Variants in KIRREL3 observed in about 807,000 individuals in gnomAD.
The protein encoded by KIRREL3 is kirre like nephrin family adhesion molecule 3.
In KIRREL3, 36 loss-of-function variants were observed where a neutral mutation model predicts 89.7. That is an observed-to-expected ratio of 0.40 (90% CI 0.31 to 0.53). KIRREL3 has a LOEUF of 0.53. KIRREL3 is among the 20% of genes least tolerant of loss of function. The pLI is 0.49. For synonymous variants in KIRREL3, 445 were observed against 441.4 expected (o/e 1.01, Z -0.10); for missense variants, 864 against 1,056.6 (o/e 0.82, Z 2.53).
Position 126,610,677 on chromosome 11 carries a change from CAG to C in KIRREL3, c.56-47767_56-47766del, listed in dbSNP as rs1325158702. The C allele has an allele frequency of 6.6e-6, 1 of 152,258 alleles. No homozygotes were observed. Among genetic ancestry groups the C allele is most frequent in the African/African-American group, 2.4e-5 (1 of 41,456 alleles). The allele number at this position is 152,258 out of a possible 1,614,324, so 9.4% of individuals were successfully genotyped here. On this transcript the variant is annotated intron_variant, in intron 1 of 16. Transcript: ENST00000525144. The surrounding 1 kb of genome is among the most constrained non-coding windows in gnomAD (Gnocchi z 4.6). ...TCCCTGCAGGTGCCAGGACTACAGA[CAG>C]GGCAACGGAGAGCAGGGGCTTGCTG...
chr11:126,678,240 A>C (rs914936462), intron 1 of KIRREL3, among the ~76,000 whole-genome samples: 1 of 152,102 alleles, frequency 6.6e-6, no homozygotes, highest in Non-Finnish European at 1.5e-5. Flanking sequence ...TACAATTAAA[A>C]CTAGTAATAT....
chr11:127,002,794 G>T (rs966905449), upstream of KIRREL3: 1 of 152,196 alleles, frequency 6.6e-6, no homozygotes, highest in African/African-American at 2.4e-5. Flanking sequence ...CCAGGGCCCA[G>T]ATTTGCTTAA....
intron 4 of KIRREL3, among the ~76,000 whole-genome samples, chr11:126,509,935 C>T (rs1591652899): frequency 1.7e-5 from 2 of 120,928 alleles, no homozygotes; most frequent in African/African-American, 6.5e-5. Context: ...TGCAGTGAGC[C>T]GAGATTGTGC....
intron 1 of KIRREL3, among the ~76,000 whole-genome samples, chr11:126,992,939 A>T (rs1030600328): frequency 2.0e-5 from 3 of 152,064 alleles, no homozygotes; most frequent in Admixed American, 1.3e-4. Context: ...CTAACACATC[A>T]TTCTGGCATT....
At chr11:126,472,202 A>C (rs1467203998) in intron 5 of KIRREL3, among the ~76,000 whole-genome samples, 2 of 152,210 alleles carry the variant, frequency 1.3e-5, no homozygotes, top group African/African-American at 4.8e-5. Flanking sequence ...TTAAAAAGTT[A>C]TTATTTTTCT....
chr11:126,861,119 A>G (rs1427044133), intron 1 of KIRREL3, among the ~76,000 whole-genome samples: 1 of 152,182 alleles, frequency 6.6e-6, no homozygotes, highest in Non-Finnish European at 1.5e-5. Context: ...TGTACTAAGG[A>G]TATTGTTCTT....
In KIRREL3 at chr11:126,440,503, G is replaced by A. The variant is rs753283085; in HGVS notation, c.1299C>T (p.Gly433=). The stretch of plus-strand genomic sequence containing the variant: ...TGAAGCACTTGATCTGGCCCTTCTC[G>A]CCGTGGAGGGCGTGCTGGGTCTGGG... ...SSTQTQHALH[G]EKGQIKCFIR... The change falls in exon 11 of 17, where the codon GGC becomes GGT. Residue 433 remains glycine (G), a synonymous_variant. Transcript: ENST00000525144. 3 of 1,601,754 alleles carry A rather than the reference G, an allele frequency of 1.9e-6. No individual in the cohort carries two copies. The highest frequency in any genetic ancestry group is 2.6e-6 in the Non-Finnish European group (3 of 1,174,690).
intron 1 of KIRREL3, among the ~76,000 whole-genome samples, chr11:126,927,874 T>G (rs1947788736): frequency 6.6e-6 from 1 of 152,254 alleles, no homozygotes; most frequent in South Asian, 2.1e-4. Flanking sequence ...GTCCTGCACA[T>G]CCACCTTGCA....
At chr11:126,660,119 T>C (rs1945328134) in intron 1 of KIRREL3, among the ~76,000 whole-genome samples, 1 of 152,144 alleles carries the variant, frequency 6.6e-6, no homozygotes, top group South Asian at 2.1e-4. Flanking sequence ...CACCAGCCGA[T>C]GCCAGGGTAT....
At chr11:126,597,279 G>T (rs900435592) in intron 1 of KIRREL3, among the ~76,000 whole-genome samples, 10 of 152,356 alleles carry the variant, frequency 6.6e-5, no homozygotes, top group African/African-American at 1.7e-4. Flanking sequence ...GCAATGTCGG[G>T]ACACCAAAGG....
At position 126,569,314 on chromosome 11, in the gene KIRREL3, G is replaced by C. The variant is rs1426879496; in HGVS notation, c.56-6402C>G. Among the ~76,000 whole-genome samples the C allele has an allele frequency of 6.6e-6, 1 of 152,172 alleles. No homozygotes were observed. The highest frequency in any genetic ancestry group is 1.9e-4 in the East Asian group (1 of 5,190). On this transcript the variant is annotated intron_variant, in intron 1 of 16. Transcript: ENST00000525144. This position sits in a 1 kb window ranked among gnomAD's most constrained non-coding sequence, Gnocchi z 6.5. ...ATGTGAGAAGGAGTTCTAGGCTGAA[G>C]AAATATTTTTAACCAGTTGCGTTGA...
At chr11:126,887,615 C>T (rs1223755680) in intron 1 of KIRREL3, among the ~76,000 whole-genome samples, 1 of 152,034 alleles carries the variant, frequency 6.6e-6, no homozygotes, top group African/African-American at 2.4e-5. Flanking sequence ...CCCACCCCCA[C>T]CAACCAAGGG....
Position 126,523,721 on chromosome 11 carries a change from G to C in KIRREL3, c.284-2257C>G, listed in dbSNP as rs547742992. Reference sequence around the variant, plus strand: ...CTAGCCCAATCCTCTCCCTGCTGCCGCTGCCTTCCTTGTAGCTGGCTGGCT... The same window carrying C: ...CTAGCCCAATCCTCTCCCTGCTGCCCCTGCCTTCCTTGTAGCTGGCTGGCT... On this transcript the variant is annotated intron_variant, in intron 3 of 16. Coordinates refer to ENST00000525144, the MANE Select transcript of KIRREL3 (RefSeq NM_032531.4). The surrounding 1 kb of genome is among the most constrained non-coding windows in gnomAD (Gnocchi z 4.9). Among the ~76,000 whole-genome samples, 2 of 152,150 alleles carry C rather than the reference G, an allele frequency of 1.3e-5. No individual in the cohort carries two copies. The highest frequency in any genetic ancestry group is 6.5e-5 in the Admixed American group (1 of 15,280).
In KIRREL3 at chr11:126,715,414, T is replaced by C. The variant is rs1947917468; in HGVS notation, c.56-152502A>G. ...GGTCTCCAAATTAAAATGCAAGTTT[T>C]AAGTCAGTGCTCTCCTTTCCTGGGG... On this transcript the variant is annotated intron_variant, in intron 1 of 16. Coordinates refer to ENST00000525144, the MANE Select transcript of KIRREL3 (RefSeq NM_032531.4). The surrounding 1 kb of genome is among the most constrained non-coding windows in gnomAD (Gnocchi z 4.4). 6.6e-6 allele frequency among the ~76,000 whole-genome samples: 1 copy of C among 152,176 alleles called. No homozygotes were observed. The highest frequency in any genetic ancestry group is 2.1e-4 in the South Asian group (1 of 4,822).
chr11:126,799,254 C>CTGTGTGCGTGTGCATGTACCTG (rs1179053324), intron 1 of KIRREL3, among the ~76,000 whole-genome samples: 1,496 of 120,532 alleles, frequency 0.012, 21 homozygotes, highest in African/African-American at 0.038. Flanking sequence ...ATGTGTGTAT[C>CTGTGTGCGTGTGCATGTACCTG]TGTGTGCGTG....
Position 126,558,537 on chromosome 11 carries a change from T to C in KIRREL3, c.133+4298A>G, listed in dbSNP as rs910291305. ...GGTCCTGGCTCTTCCAGCCACTTCATATGGGCCCCGGGCAAGTTGCTGCAT... is the reference window on the plus strand; with the variant it reads ...GGTCCTGGCTCTTCCAGCCACTTCACATGGGCCCCGGGCAAGTTGCTGCAT... On this transcript the variant is annotated intron_variant, in intron 2 of 16. Coordinates refer to ENST00000525144, the MANE Select transcript of KIRREL3 (RefSeq NM_032531.4). The surrounding 1 kb of genome is among the most constrained non-coding windows in gnomAD (Gnocchi z 4.0). 9.2e-5 allele frequency among the ~76,000 whole-genome samples: 14 copies of C among 152,330 alleles called. No individual in the cohort carries two copies. The highest frequency in any genetic ancestry group is 8.5e-4 in the Admixed American group (13 of 15,308).
chr11:126,922,121 G>GTCTGTCTA (rs61078651), intron 1 of KIRREL3, among the ~76,000 whole-genome samples: 5,785 of 139,938 alleles, frequency 0.041, 133 homozygotes, highest in East Asian at 0.074. Context: ...CTATCTGTCT[G>GTCTGTCTA]TCTATCTATC....
intron 1 of KIRREL3, among the ~76,000 whole-genome samples, chr11:126,973,631 A>G (rs1205800317): frequency 6.6e-6 from 1 of 152,194 alleles, no homozygotes; most frequent in Non-Finnish European, 1.5e-5. Context: ...TCAGAACTTC[A>G]GTTTTGTTAT....
Position 126,870,511 on chromosome 11 carries a change from G to A in KIRREL3, c.55+129944C>T, listed in dbSNP as rs1945073465. ...TCCTGAAAGGCAGGTCCTTGCAAGAGGTAAAAGGCTCAGTAGAATGCAGCT... is the reference window on the plus strand; with the variant it reads ...TCCTGAAAGGCAGGTCCTTGCAAGAAGTAAAAGGCTCAGTAGAATGCAGCT... On this transcript the variant is annotated intron_variant, in intron 1 of 16. Coordinates refer to ENST00000525144, the MANE Select transcript of KIRREL3 (RefSeq NM_032531.4). This position sits in a 1 kb window ranked among gnomAD's most constrained non-coding sequence, Gnocchi z 4.4. Among the ~76,000 whole-genome samples, 1 of 152,218 alleles carries A rather than the reference G, an allele frequency of 6.6e-6. No homozygotes were observed. Among genetic ancestry groups the A allele is most frequent in the African/African-American group, 2.4e-5 (1 of 41,446 alleles).
Sources: allele counts gnomAD v4.1 joint callset (sites outside exome capture counted in the v4.1 genomes callset), GRCh38; gene constraint gnomAD v4.1.1; non-coding constraint Gnocchi (gnomAD v3.1); transcripts MANE v1.5; gene names NCBI Gene and HGNC (gene_info 2026-07-23, HGNC 2026-07-21).